The following MAN1C1 variants were observed in gnomAD, a reference collection of about 807,000 sequenced individuals.
MAN1C1 encodes the protein mannosyl-oligosaccharide 1,2-alpha-mannosidase IC.
A neutral mutation model predicts 71.5 loss-of-function variants in MAN1C1; 49 were observed. That is an observed-to-expected ratio of 0.69 (90% CI 0.54 to 0.87). The LOEUF is 0.87. Ranked by LOEUF, MAN1C1 falls within the 40% of genes least tolerant of loss-of-function variation. The pLI is 0.00. For missense variants in MAN1C1, 743 were observed against 835.0 expected (o/e 0.89, Z 1.36); for synonymous variants, 352 against 343.7 (o/e 1.02, Z -0.27).
intron 7 of MAN1C1, among the ~76,000 whole-genome samples, chr1:25,767,259 TCACA>T (rs112843174): frequency 7.0e-5 from 8 of 114,100 alleles, no homozygotes; most frequent in African/African-American, 2.0e-4. Context: ...CACACTCCCC[TCACA>T]CACACACATT....
At chr1:25,677,629 G>A (rs1452338042) in intron 1 of MAN1C1, among the ~76,000 whole-genome samples, 1 of 152,156 alleles carries the variant, frequency 6.6e-6, no homozygotes, top group East Asian at 1.9e-4. Context: ...GTTTCTTAGA[G>A]ACATGGTTAT....
rs560056194 is a variant in MAN1C1 at position 25,726,489 on chromosome 1, G to A, written c.638-20179G>A. ...TACACACACTTCGTAATGGGGTGTG[G>A]TGACCAGCATGTGTGCATTTTATAC... is the stretch of plus-strand genomic sequence containing the variant. On this transcript the variant is annotated intron_variant, in intron 2 of 11. Transcript: ENST00000374332. Among the ~76,000 whole-genome samples, 7 of 152,262 alleles carry A rather than the reference G, an allele frequency of 4.6e-5. No homozygotes were observed. In the South Asian group the frequency reaches 1.5e-3, roughly 32 times the overall value.
At chr1:25,738,423 T>C (rs1172495625) in intron 2 of MAN1C1, among the ~76,000 whole-genome samples, 3 of 152,258 alleles carry the variant, frequency 2.0e-5, no homozygotes, top group African/African-American at 7.2e-5. Flanking sequence ...TTAATTCATC[T>C]TCCTAAAAAA....
intron 2 of MAN1C1, among the ~76,000 whole-genome samples, chr1:25,703,693 A>G (rs1010971169): frequency 1.3e-5 from 2 of 152,108 alleles, no homozygotes; most frequent in Non-Finnish European, 2.9e-5. Context: ...AAAAAAAGAA[A>G]TGAAAGTGGG....
At chr1:25,712,663 C>T (rs529182698) in intron 2 of MAN1C1, among the ~76,000 whole-genome samples, 81 of 152,266 alleles carry the variant, frequency 5.3e-4, no homozygotes, top group Admixed American at 3.9e-3. Context: ...CCATTCAAAC[C>T]GCCTTTCACT....
rs59990102 is a variant in MAN1C1 at position 25,755,863 on chromosome 1, G to A, written c.929+2285G>A. Among the ~76,000 whole-genome samples, 856 of 152,336 alleles carry A rather than the reference G, an allele frequency of 5.6e-3. 9 individuals carry two copies. The highest frequency in any genetic ancestry group is 0.019 in the African/African-American group (795 of 41,572). ...TGGGCCCACTTGCACTTGAAAGGCT[G>A]GGAGAGGAGATCAGAGCTTCCTGCT... On this transcript the variant is annotated intron_variant, in intron 5 of 11. Coordinates refer to ENST00000374332, the MANE Select transcript of MAN1C1 (RefSeq NM_020379.4).
intron 2 of MAN1C1, among the ~76,000 whole-genome samples, chr1:25,693,697 A>G (rs767145142): frequency 1.3e-5 from 2 of 152,194 alleles, no homozygotes; most frequent in African/African-American, 4.8e-5. Context: ...ATCAAGGCCA[A>G]ATGTACTTGC....
intron 1 of MAN1C1, among the ~76,000 whole-genome samples, chr1:25,623,109 A>G (rs3767920): frequency 0.17 from 25,715 of 152,024 alleles, 5,466 homozygotes; most frequent in African/African-American, 0.49. Flanking sequence ...CTGCTCTACC[A>G]TGCATTTAAC....
At chr1:25,691,728 C>G (rs773539158) in intron 2 of MAN1C1, among the ~76,000 whole-genome samples, 12 of 152,162 alleles carry the variant, frequency 7.9e-5, no homozygotes, top group Non-Finnish European at 1.5e-4. Flanking sequence ...ATGCCCATGG[C>G]AGAAATCTTG....
chr1:25,778,085 A>G lies in MAN1C1; in HGVS notation c.1258-20A>G, dbSNP rs747375348. On this transcript the variant is annotated intron_variant, in intron 8 of 11. Coordinates refer to ENST00000374332, the MANE Select transcript of MAN1C1 (RefSeq NM_020379.4). The surrounding 1 kb of genome is among the most constrained non-coding windows in gnomAD (Gnocchi z 5.5). ...CCTCCCACGCCCCTTCTCCCTGCCC[A>G]ATCCCCACCTTGCTCCCAGGCGATA... 1.2e-5 allele frequency: 19 copies of G among 1,526,106 alleles called. No homozygotes were observed. The South Asian group carries it at 2.3e-4, about 18-fold the overall frequency. 94.5% of individuals were successfully genotyped at this position (1,526,106 alleles called of 1,614,324 possible).
rs917535686 is a variant in MAN1C1, at chr1:25,769,073, C to T, written c.1142-2584C>T. On this transcript the variant is annotated intron_variant, in intron 7 of 11. Coordinates refer to ENST00000374332, the MANE Select transcript of MAN1C1 (RefSeq NM_020379.4). This position sits in a 1 kb window ranked among gnomAD's most constrained non-coding sequence, Gnocchi z 4.8. ...ACACACACTACACACCACCCACACTCCCACACACACACCTATCACCCACAC... is the reference window on the plus strand; with the variant it reads ...ACACACACTACACACCACCCACACTTCCACACACACACCTATCACCCACAC... 9.5e-5 allele frequency among the ~76,000 whole-genome samples: 14 copies of T among 147,324 alleles called. No individual in the cohort carries two copies. The highest frequency in any genetic ancestry group is 3.5e-4 in the African/African-American group (14 of 39,930).
chr1:25,627,262 T>TTG (rs1157022304), intron 1 of MAN1C1, among the ~76,000 whole-genome samples: 78 of 150,194 alleles, frequency 5.2e-4, no homozygotes, highest in African/African-American at 1.9e-3. Flanking sequence ...TTCTCTTCTC[T>TTG]TCTCTTCTCT....
At position 25,735,945 on chromosome 1, in the gene MAN1C1, G is replaced by C. The variant is rs1266628678; in HGVS notation, c.638-10723G>C. ...AGCAAGTTACATGGAAAAGCACAAG[G>C]TTAATGGGATAGGGATATTTACTCC... On this transcript the variant is annotated intron_variant, in intron 2 of 11. Transcript: ENST00000374332. This position sits in a 1 kb window ranked among gnomAD's most constrained non-coding sequence, Gnocchi z 4.6. Among the ~76,000 whole-genome samples, 1 of 152,208 alleles carries C rather than the reference G, an allele frequency of 6.6e-6. No individual in the cohort carries two copies. The highest frequency in any genetic ancestry group is 1.5e-5 in the Non-Finnish European group (1 of 68,040).
At chr1:25,622,220 T>C (rs539304203) in intron 1 of MAN1C1, among the ~76,000 whole-genome samples, 79 of 152,338 alleles carry the variant, frequency 5.2e-4, no homozygotes, top group African/African-American at 1.9e-3. Flanking sequence ...GCTGCAGTTC[T>C]GTTAAGAATC....
chr1:25,700,332 G>C (rs1029390003), intron 2 of MAN1C1, among the ~76,000 whole-genome samples: 6 of 152,214 alleles, frequency 3.9e-5, no homozygotes, highest in Non-Finnish European at 8.8e-5. Flanking sequence ...ATGGCTCCCA[G>C]ATAATGCTCC....
chr1:25,745,647 T>C (rs1027091452), intron 2 of MAN1C1, among the ~76,000 whole-genome samples: 5 of 152,352 alleles, frequency 3.3e-5, no homozygotes, highest in Non-Finnish European at 7.3e-5. Context: ...GAGCCATAGT[T>C]CACCCTCTAT....
At position 25,696,602 on chromosome 1, in the gene MAN1C1, T is replaced by C. The variant is rs145482775; in HGVS notation, c.637+10066T>C. 2.5e-3 allele frequency among the ~76,000 whole-genome samples: 382 copies of C among 152,244 alleles called. 2 individuals are homozygous for C. The highest frequency in any genetic ancestry group is 8.8e-3 in the African/African-American group (366 of 41,560). On this transcript the variant is annotated intron_variant, in intron 2 of 11. Coordinates refer to ENST00000374332, the MANE Select transcript of MAN1C1 (RefSeq NM_020379.4). ...AGGTTCTCTCAGGTCCCTCCTAGTC[T>C]GTAGCTCCCCAAGGGTAGCTGCTGT...
intron 2 of MAN1C1, among the ~76,000 whole-genome samples, chr1:25,726,893 TAAAAA>T (rs530911352): frequency 1.4e-4 from 18 of 127,234 alleles, no homozygotes; most frequent in African/African-American, 5.3e-4. Context: ...TCATCTCTAT[TAAAAA>T]AAAAAAAAAA....
intron 2 of MAN1C1, among the ~76,000 whole-genome samples, chr1:25,708,896 A>C (rs2046564713): frequency 6.6e-6 from 1 of 152,180 alleles, no homozygotes; most frequent in African/African-American, 2.4e-5. Flanking sequence ...AGAAGAAAAA[A>C]AAAAGCCACT....
Sources: allele counts gnomAD v4.1 joint callset (sites outside exome capture counted in the v4.1 genomes callset), GRCh38; gene constraint gnomAD v4.1.1; non-coding constraint Gnocchi (gnomAD v3.1); transcripts MANE v1.5; gene names NCBI Gene and HGNC (gene_info 2026-07-23, HGNC 2026-07-21).